VIPR2: variants seen among roughly 807,000 people sequenced by gnomAD.
VIPR2 encodes the protein vasoactive intestinal polypeptide receptor 2.
VIPR2 carries 48 observed loss-of-function variants against 58.0 expected under a neutral mutation model. The observed-to-expected ratio is 0.83, with a 90% CI of 0.66 to 1.05. The LOEUF is 1.05. Ranked by LOEUF, VIPR2 falls within the 50% of genes least tolerant of loss-of-function variation. VIPR2 has a pLI of 0.00. For synonymous variants in VIPR2, 243 were observed against 235.2 expected, an observed-to-expected ratio of 1.03 and a Z score of -0.30; for missense variants, 534 against 558.0, an observed-to-expected ratio of 0.96 and a Z score of 0.43.
intron 5 of VIPR2, among the ~76,000 whole-genome samples, chr7:159,046,709 TG>T (rs1350042636): frequency 6.6e-6 from 1 of 152,186 alleles, no homozygotes. Context: ...CCACAAATTT[TG>T]GAAATCCACC....
rs554233331 is a variant in VIPR2, at chr7:159,099,046, T to G, written c.357+4711A>C. Among the ~76,000 whole-genome samples, 1 of 152,362 alleles carries G rather than the reference T, an allele frequency of 6.6e-6. No individual in the cohort carries two copies. The highest frequency in any genetic ancestry group is 2.1e-4 in the South Asian group (1 of 4,832). ...GCAGCCTCCAGAGCCGCCTGTGCTA[T>G]GTGCTGTTGCTTCGTCTTGGAAGCG... On this transcript the variant is annotated intron_variant, in intron 4 of 12. Transcript: ENST00000262178. The surrounding 1 kb of genome is among the most constrained non-coding windows in gnomAD (Gnocchi z 4.2).
In VIPR2 at chr7:159,031,446, G is replaced by A. The variant is rs961131043; in HGVS notation, c.1143+382C>T. 52 of 985,160 alleles carry A rather than the reference G, an allele frequency of 5.3e-5. No homozygotes were observed. In the African/African-American group the frequency reaches 7.2e-4, roughly 14 times the overall value. 61.0% of individuals were successfully genotyped at this position (985,160 alleles called of 1,614,324 possible). A position where few individuals can be genotyped will look rare whatever the true frequency, so the allele number is the denominator to read the frequency against. On this transcript the variant is annotated intron_variant, in intron 12 of 12. Coordinates refer to ENST00000262178, the MANE Select transcript of VIPR2 (RefSeq NM_003382.5). The surrounding 1 kb of genome is among the most constrained non-coding windows in gnomAD (Gnocchi z 4.0). ...CTTCCTCCCCAGGGACTCACAGGAC[G>A]CTGTGCAGCCCCACCCCCCAACCCA...
intron 4 of VIPR2, among the ~76,000 whole-genome samples, chr7:159,062,583 C>CT (rs1855759054): frequency 6.6e-6 from 1 of 152,112 alleles, no homozygotes; most frequent in Non-Finnish European, 1.5e-5. Context: ...GGTTTGTGGT[C>CT]TCGCTGGTCT....
intron 5 of VIPR2, among the ~76,000 whole-genome samples, chr7:159,052,707 G>T (rs921449790): frequency 9.2e-5 from 14 of 152,096 alleles, no homozygotes; most frequent in African/African-American, 3.4e-4. Context: ...ACCATGTAGG[G>T]TTAATTTAGG....
At chr7:159,032,289 G>A (rs1009862843) in intron 10 of VIPR2, among the ~76,000 whole-genome samples, 1 of 151,570 alleles carries the variant, frequency 6.6e-6, no homozygotes, top group South Asian at 2.1e-4. Context: ...CGTGCATTCC[G>A]GAAGTGTCCG....
At position 159,031,200 on chromosome 7, in the gene VIPR2, G is replaced by A. The variant is rs539627699; in HGVS notation, c.1144-411C>T. The stretch of plus-strand genomic sequence containing the variant: ...GGGAGGGGGTGGGGATGAGTGAGGG[G>A]TGCCCGGACGGCAGAGGAGGGAGGA... On this transcript the variant is annotated intron_variant, in intron 12 of 12. Transcript: ENST00000262178. This position sits in a 1 kb window ranked among gnomAD's most constrained non-coding sequence, Gnocchi z 4.0. Among the ~76,000 whole-genome samples, 49 of 152,302 alleles carry A rather than the reference G, an allele frequency of 3.2e-4. No individual in the cohort carries two copies. Among genetic ancestry groups the A allele is most frequent in the African/African-American group, 1.1e-3 (45 of 41,566 alleles).
chr7:159,036,594 T>C (rs2730223), intron 7 of VIPR2, among the ~76,000 whole-genome samples, 158 bp downstream of exon 7: 141,148 of 152,264 alleles, frequency 0.93, 65,483 homozygotes, highest in East Asian at 1. Flanking sequence ...ATGTGTTGTT[T>C]GTAGGAGCCT....
intron 2 of VIPR2, among the ~76,000 whole-genome samples, chr7:159,113,848 G>A (rs996287824): frequency 2.6e-5 from 4 of 152,106 alleles, no homozygotes; most frequent in Admixed American, 1.3e-4. Context: ...ACACTGGGAT[G>A]TAAATTGGGA....
At chr7:159,134,853 C>T (rs1415413205) in intron 2 of VIPR2, among the ~76,000 whole-genome samples, 10 of 151,658 alleles carry the variant, frequency 6.6e-5, no homozygotes, top group Non-Finnish European at 1.5e-4. Flanking sequence ...GAGACGGGGT[C>T]TCACCGTGTT....
intron 5 of VIPR2, among the ~76,000 whole-genome samples, chr7:159,054,622 A>G (rs1855199626): frequency 6.6e-6 from 1 of 152,252 alleles, no homozygotes; most frequent in African/African-American, 2.4e-5. Flanking sequence ...ATGTTATTAC[A>G]GACGCACAAG....
At chr7:159,039,510 T>C (rs997606494) in intron 6 of VIPR2, among the ~76,000 whole-genome samples, 1 of 151,408 alleles carries the variant, frequency 6.6e-6, no homozygotes, top group Non-Finnish European at 1.5e-5. Context: ...AAAATAAAAA[T>C]ATGCATGCCC....
intron 6 of VIPR2, among the ~76,000 whole-genome samples, chr7:159,037,477 G>A (rs1295865940): frequency 6.6e-6 from 1 of 152,218 alleles, no homozygotes; most frequent in African/African-American, 2.4e-5. Context: ...GGTGAGCAGC[G>A]CCTGGGAAGA....
At chr7:159,113,458 C>T (rs1247183431) in intron 2 of VIPR2, among the ~76,000 whole-genome samples, 1 of 151,950 alleles carries the variant, frequency 6.6e-6, no homozygotes, top group Non-Finnish European at 1.5e-5. Context: ...GCTAGTCTGC[C>T]AATGCTTCCA....
intron 2 of VIPR2, among the ~76,000 whole-genome samples, chr7:159,134,589 G>C (rs1797117856): frequency 6.6e-6 from 1 of 151,786 alleles, no homozygotes; most frequent in Non-Finnish European, 1.5e-5. Context: ...TTATTTATAA[G>C]TTTTTGTTAA....
intron 4 of VIPR2, among the ~76,000 whole-genome samples, chr7:159,081,138 A>G (rs1389399422): frequency 6.6e-6 from 1 of 152,180 alleles, no homozygotes; most frequent in Non-Finnish European, 1.5e-5. Flanking sequence ...ATATGGAACC[A>G]AAAAAGAGCC....
At chr7:159,138,731 G>A (rs531657546) in intron 2 of VIPR2, among the ~76,000 whole-genome samples, 194 of 152,362 alleles carry the variant, frequency 1.3e-3, no homozygotes, top group South Asian at 4.3e-3. Flanking sequence ...ACGTGTGGAC[G>A]TGTGCGCACC....
At chr7:159,068,815 C>A (rs1272547718) in intron 4 of VIPR2, among the ~76,000 whole-genome samples, 2 of 152,192 alleles carry the variant, frequency 1.3e-5, no homozygotes. Context: ...CCATGGGGAG[C>A]AGAGTGGAAT....
At chr7:159,063,786 C>CCGGGGG (rs1855881217) in intron 4 of VIPR2, among the ~76,000 whole-genome samples, 1 of 95,236 alleles carries the variant, frequency 1.1e-5, no homozygotes, top group Non-Finnish European at 1.9e-5. Context: ...CAGGTGGGGT[C>CCGGGGG]TGGGGGTCCT....
At chr7:159,105,360 C>T (rs1456155525) in intron 3 of VIPR2, among the ~76,000 whole-genome samples, 1 of 152,228 alleles carries the variant, frequency 6.6e-6, no homozygotes, top group Admixed American at 6.5e-5. Context: ...TTGGATTTAG[C>T]AAATATTTTC....
Sources: allele counts gnomAD v4.1 joint callset (sites outside exome capture counted in the v4.1 genomes callset), GRCh38; gene constraint gnomAD v4.1.1; non-coding constraint Gnocchi (gnomAD v3.1); transcripts MANE v1.5; gene names NCBI Gene and HGNC (gene_info 2026-07-23, HGNC 2026-07-21).